The following STK39 variants were observed in gnomAD, a reference collection of about 807,000 sequenced individuals.
STK39 encodes the protein serine/threonine kinase 39.
A neutral mutation model predicts 77.8 loss-of-function variants in STK39; 20 were observed. That is an observed-to-expected ratio of 0.26 (90% CI 0.18 to 0.37). STK39 has a LOEUF of 0.37. Among genes scored for constraint, STK39 ranks in the 10% least tolerant of loss-of-function variants. STK39 has a pLI of 1.00. For synonymous variants in STK39, 246 were observed against 234.1 expected (o/e 1.05, Z -0.47); for missense variants, 479 against 656.5 (o/e 0.73, Z 2.95).
At chr2:167,989,520 G>A (rs558711896) in intron 16 of STK39, among the ~76,000 whole-genome samples, 47 of 152,298 alleles carry the variant, frequency 3.1e-4, no homozygotes, top group African/African-American at 8.9e-4. Flanking sequence ...CTGGAAGAGA[G>A]CTGGTAAATT....
rs575315921 is a variant in STK39 at position 168,132,620 on chromosome 2, C to T, written c.975-2862G>A. Among the ~76,000 whole-genome samples the T allele has an allele frequency of 2.6e-5, 4 of 152,314 alleles. No individual in the cohort carries two copies. In the East Asian group the frequency reaches 5.8e-4, roughly 22 times the overall value. On this transcript the variant is annotated intron_variant, in intron 8 of 17. Transcript: ENST00000355999. Reference sequence around the variant, plus strand: ...AAATTTTTCATAACCAACTGGCACACCCTCGCTCATCAGTCAAGAGCCAAT... The same window carrying T: ...AAATTTTTCATAACCAACTGGCACATCCTCGCTCATCAGTCAAGAGCCAAT...
rs568530861 is a variant in STK39 at position 168,151,550 on chromosome 2, C to A, written c.628+10237G>T. ...AGGAGATCGAGACCATCCTAGCTAA[C>A]ACGGTGAAACCCCATCTCTACTAAA... On this transcript the variant is annotated intron_variant, in intron 5 of 17. Coordinates refer to ENST00000355999, the MANE Select transcript of STK39 (RefSeq NM_013233.3). Among the ~76,000 whole-genome samples the A allele has an allele frequency of 2.6e-5, 4 of 152,184 alleles. No individual in the cohort carries two copies. In the East Asian group the frequency reaches 7.7e-4, roughly 29 times the overall value.
intron 10 of STK39, among the ~76,000 whole-genome samples, chr2:168,126,612 A>G (rs1484139633): frequency 6.6e-6 from 1 of 152,172 alleles, no homozygotes; most frequent in African/African-American, 2.4e-5. Flanking sequence ...GTGTATGCCA[A>G]GCATTGTGGG....
intron 1 of STK39, among the ~76,000 whole-genome samples, chr2:168,195,165 C>G (rs1461942611): frequency 6.6e-6 from 1 of 152,114 alleles, no homozygotes; most frequent in Non-Finnish European, 1.5e-5. Flanking sequence ...TTGTAACTAA[C>G]GTTTCTACCT....
chr2:168,152,002 CCT>C (rs1688300172), intron 5 of STK39, among the ~76,000 whole-genome samples: 1 of 152,130 alleles, frequency 6.6e-6, no homozygotes, highest in Non-Finnish European at 1.5e-5. Flanking sequence ...GCTACAGAAC[CCT>C]TGCCCCAAAG....
intron 5 of STK39, among the ~76,000 whole-genome samples, chr2:168,156,267 A>G (rs1688425783): frequency 6.6e-6 from 1 of 152,228 alleles, no homozygotes; most frequent in African/African-American, 2.4e-5. Context: ...AGCTATAAGC[A>G]TTTCAAGTCA....
At chr2:168,114,777 T>A (rs1016777963) in intron 10 of STK39, among the ~76,000 whole-genome samples, 1 of 143,682 alleles carries the variant, frequency 7.0e-6, no homozygotes, top group African/African-American at 2.5e-5. Flanking sequence ...ACATCGGACC[T>A]CATAACAAGC....
chr2:168,057,532 A>C (rs1300016973), intron 14 of STK39, among the ~76,000 whole-genome samples: 3 of 151,878 alleles, frequency 2.0e-5, no homozygotes, highest in African/African-American at 7.3e-5. Flanking sequence ...CCTTAATTAT[A>C]ATCACACGCA....
chr2:168,129,479 C>T, intron 10 of STK39, 62 bp downstream of exon 10: 2 of 1,587,008 alleles, frequency 1.3e-6, no homozygotes, highest in South Asian at 1.1e-5. Flanking sequence ...TCCAATTTTT[C>T]TATGGGTTTC....
At chr2:168,042,724 C>T (rs1291428773) in intron 14 of STK39, among the ~76,000 whole-genome samples, 4 of 151,928 alleles carry the variant, frequency 2.6e-5, no homozygotes, top group Admixed American at 6.6e-5. Context: ...GGATTACAGG[C>T]GCCTGCCACC....
chr2:168,107,788 G>A (rs1349871577), intron 10 of STK39, among the ~76,000 whole-genome samples: 5 of 152,182 alleles, frequency 3.3e-5, no homozygotes, highest in African/African-American at 1.2e-4. Flanking sequence ...AATAGCTACT[G>A]TAACACTGTT....
intron 1 of STK39, among the ~76,000 whole-genome samples, chr2:168,188,007 C>A (rs773844410): frequency 2.6e-5 from 4 of 152,172 alleles, no homozygotes; most frequent in Non-Finnish European, 4.4e-5. Context: ...CATCTCTTAG[C>A]ACGTGCAAGA....
At chr2:168,013,651 G>C (rs79245677) in intron 15 of STK39, among the ~76,000 whole-genome samples, 6,557 of 152,240 alleles carry the variant, frequency 0.043, 446 homozygotes, top group African/African-American at 0.15. Context: ...TCCAAAGTCA[G>C]GGGGCACCTG....
chr2:168,077,425 C>T (rs1348972810), intron 10 of STK39, among the ~76,000 whole-genome samples: 3 of 151,864 alleles, frequency 2.0e-5, no homozygotes, highest in Non-Finnish European at 2.9e-5. Flanking sequence ...CTGGCTCTCT[C>T]TCTGTTTGTT....
At chr2:168,212,213 A>G (rs1689907987) in intron 1 of STK39, among the ~76,000 whole-genome samples, 1 of 152,202 alleles carries the variant, frequency 6.6e-6, no homozygotes, top group Admixed American at 6.5e-5. Flanking sequence ...GATTATCTGA[A>G]TACCTTGTGC....
intron 12 of STK39, among the ~76,000 whole-genome samples, chr2:168,070,216 G>A (rs1201147623): frequency 2.6e-5 from 4 of 152,150 alleles, no homozygotes; most frequent in South Asian, 2.1e-4. Context: ...TCCAGCTAGC[G>A]AGCTGTCTTT....
chr2:168,180,397 G>C (rs1689055854), intron 2 of STK39, among the ~76,000 whole-genome samples: 1 of 151,958 alleles, frequency 6.6e-6, no homozygotes, highest in Non-Finnish European at 1.5e-5. Context: ...ATTCTTGAGT[G>C]ATACATCCAA....
chr2:168,051,475 C>T (rs1332933768), intron 14 of STK39, among the ~76,000 whole-genome samples: 8 of 152,146 alleles, frequency 5.3e-5, no homozygotes, highest in African/African-American at 1.9e-4. Context: ...CATTAAAAGG[C>T]TCATGAGAAA....
chr2:168,115,743 A>G (rs1486719487), intron 10 of STK39, among the ~76,000 whole-genome samples: 1 of 152,062 alleles, frequency 6.6e-6, no homozygotes, highest in Non-Finnish European at 1.5e-5. Flanking sequence ...TGGAGAAATG[A>G]CTCTTTGAGC....
Sources: gnomAD v4.1 joint callset for allele counts (sites outside exome capture counted in the v4.1 genomes callset) on GRCh38, gnomAD v4.1.1 for gene constraint, MANE v1.5 for transcripts, NCBI Gene and HGNC (gene_info 2026-07-23, HGNC 2026-07-21) for gene names.